Variants in STIMATE observed in about 807,000 individuals in gnomAD.
STIMATE encodes store-operated calcium entry regulator STIMATE.
A neutral mutation model predicts 36.7 loss-of-function variants in STIMATE; 15 were observed. The observed-to-expected ratio is 0.41, with a 90% CI of 0.27 to 0.63. The LOEUF is 0.63. STIMATE is among the 20% of genes least tolerant of loss of function. The pLI is 0.32. For synonymous variants in STIMATE, 163 were observed against 162.3 expected, an observed-to-expected ratio of 1.00 and a Z score of -0.03; for missense variants, 305 against 397.3, an observed-to-expected ratio of 0.77 and a Z score of 1.98.
chr3:52,844,380 G>C (rs1006164553), intron 5 of STIMATE, among the ~76,000 whole-genome samples: 1 of 152,260 alleles, frequency 6.6e-6, no homozygotes, highest in Non-Finnish European at 1.5e-5. Context: ...ACTGGGGTCA[G>C]AGGGCGGAAG....
chr3:52,847,977 G>A (rs1216927627), intron 4 of STIMATE: 2 of 165,942 alleles, frequency 1.2e-5, no homozygotes, highest in East Asian at 1.8e-4. Flanking sequence ...TGGAAAGGGC[G>A]AGAAAACAAT....
intron 1 of STIMATE, among the ~76,000 whole-genome samples, chr3:52,888,003 T>TTG (rs1559499731): frequency 6.5e-5 from 9 of 137,424 alleles, no homozygotes; most frequent in Non-Finnish European, 1.4e-4. Flanking sequence ...AGTTTTTTTT[T>TTG]TTTTTTTTTT....
chr3:52,878,603 C>G (rs1281264133), intron 1 of STIMATE, among the ~76,000 whole-genome samples: 1 of 152,196 alleles, frequency 6.6e-6, no homozygotes, highest in African/African-American at 2.4e-5. Flanking sequence ...GTTCCCTGGT[C>G]CCTTTGGATG....
chr3:52,852,543 C>T (rs550157613), intron 3 of STIMATE, 60 bp downstream of exon 3: 816 of 1,603,092 alleles, frequency 5.1e-4, no homozygotes, highest in Middle Eastern at 1.3e-3. Context: ...GAAAGCAAGG[C>T]CAGCCTATAT....
chr3:52,844,935 G>A lies in STIMATE; in HGVS notation c.434C>T (p.Pro145Leu). The change falls in exon 5 of 8, where the codon CCT (proline) becomes CTT (leucine). Residue 145 changes from proline (P) to leucine (L), a missense_variant. Physicochemically the swap from Pro to Leu is moderately conservative, Grantham distance 98 (BLOSUM62 -3). This residue lies in a region of STIMATE where 164 missense variants were observed against 257.9 expected (regional missense o/e 0.64). Transcript: ENST00000355083. ...ESLRFGEYGD[P>L]LQCGAWVGQC... ...CCCGACCCAGGCTCCACACTGCAGA[G>A]GGTCTCCTGCAGGGACAGGCGGGTG... is the stretch of plus-strand genomic sequence containing the variant. 1 of 1,613,712 alleles carries A rather than the reference G, an allele frequency of 6.2e-7. No individual in the cohort carries two copies. The highest frequency in any genetic ancestry group is 1.1e-5 in the South Asian group (1 of 91,078).
At chr3:52,884,636 T>C (rs763437690) in intron 1 of STIMATE, among the ~76,000 whole-genome samples, 1 of 152,236 alleles carries the variant, frequency 6.6e-6, no homozygotes, top group Non-Finnish European at 1.5e-5. Flanking sequence ...TTCCCTTTTC[T>C]AGAATTTCAT....
intron 1 of STIMATE, among the ~76,000 whole-genome samples, chr3:52,874,078 C>T (rs1701457066): frequency 6.6e-6 from 1 of 152,158 alleles, no homozygotes; most frequent in Non-Finnish European, 1.5e-5. Context: ...ATAGTTACAC[C>T]TCCACAAATG....
At position 52,841,939 on chromosome 3, in the gene STIMATE, T is replaced by C. The variant is rs527696099; in HGVS notation, c.768+872A>G. Among the ~76,000 whole-genome samples the C allele has an allele frequency of 5.3e-5, 8 of 152,320 alleles. No homozygotes were observed. In the East Asian group the frequency reaches 1.5e-3, roughly 29 times the overall value. On this transcript the variant is annotated intron_variant, in intron 7 of 7. Coordinates refer to ENST00000355083, the MANE Select transcript of STIMATE (RefSeq NM_198563.5). ...CTCATATGACAGGTGCTGGCCAGAT[T>C]CTAGAGACAAGCACCTAGAGAAGAC... is the stretch of plus-strand genomic sequence containing the variant.
intron 1 of STIMATE, among the ~76,000 whole-genome samples, chr3:52,894,441 GA>G (rs1701832371): frequency 6.6e-6 from 1 of 152,180 alleles, no homozygotes; most frequent in African/African-American, 2.4e-5. Flanking sequence ...AGTAAGGCAA[GA>G]AGTCTATCAA....
At position 52,842,728 on chromosome 3, in the gene STIMATE, A is replaced by G; in HGVS notation, c.768+83T>C. ...ACTGTGACTCTGCACTCAAGGGAAG[A>G]ACATACACAGACATGAGACCAGAGA... is the stretch of plus-strand genomic sequence containing the variant. On this transcript the variant is annotated intron_variant, in intron 7 of 7. Coordinates refer to ENST00000355083, the MANE Select transcript of STIMATE (RefSeq NM_198563.5). The G allele has an allele frequency of 2.5e-6, 4 of 1,592,452 alleles. No homozygotes were observed. In the South Asian group the frequency reaches 4.5e-5, roughly 18 times the overall value.
intron 7 of STIMATE, among the ~76,000 whole-genome samples, 188 bp downstream of exon 7, chr3:52,842,623 G>A (rs12638195): frequency 0.29 from 43,382 of 152,194 alleles, 6,918 homozygotes; most frequent in Middle Eastern, 0.41. Context: ...AAGGGACAGT[G>A]GGAATGGGTC....
chr3:52,887,999 T>TGG (rs202166636), intron 1 of STIMATE, among the ~76,000 whole-genome samples: 2 of 130,124 alleles, frequency 1.5e-5, no homozygotes, highest in South Asian at 2.7e-4. Flanking sequence ...AATCAGTTTT[T>TGG]TTTTTTTTTT....
intron 1 of STIMATE, among the ~76,000 whole-genome samples, chr3:52,862,684 C>T (rs1272021946): frequency 6.6e-6 from 1 of 152,094 alleles, no homozygotes; most frequent in Non-Finnish European, 1.5e-5. Context: ...ATCTAGTTGG[C>T]AATGATAATG....
At chr3:52,844,599 T>G (rs545453566) in intron 5 of STIMATE, among the ~76,000 whole-genome samples, 7 of 152,374 alleles carry the variant, frequency 4.6e-5, no homozygotes, top group African/African-American at 1.7e-4. Flanking sequence ...GGACTGTATT[T>G]CATTAGTTTT....
chr3:52,864,227 A>G (rs1575336605), intron 1 of STIMATE, among the ~76,000 whole-genome samples: 1 of 152,142 alleles, frequency 6.6e-6, no homozygotes, highest in African/African-American at 2.4e-5. Context: ...ATTTCCATAC[A>G]TGTTCTGAAA....
chr3:52,883,749 G>GT (rs1295552951), intron 1 of STIMATE, among the ~76,000 whole-genome samples: 1 of 152,100 alleles, frequency 6.6e-6, no homozygotes, highest in Non-Finnish European at 1.5e-5. Context: ...TTCAGAAATT[G>GT]TATTTTCAGT....
At chr3:52,896,057 A>G (rs1051267629) in intron 1 of STIMATE, 5 of 686,324 alleles carry the variant, frequency 7.3e-6, no homozygotes, top group Non-Finnish European at 1.1e-5. Context: ...GGGCACTTAT[A>G]AGACTTATCA....
intron 1 of STIMATE, among the ~76,000 whole-genome samples, chr3:52,863,282 G>C (rs1701248203): frequency 6.6e-6 from 1 of 152,202 alleles, no homozygotes. Context: ...GGAGGCCTCA[G>C]AATCATGGCG....
rs117066303 is a variant in STIMATE at position 52,850,956 on chromosome 3, C to T, written c.306-1043G>A. On this transcript the variant is annotated intron_variant, in intron 3 of 7. Coordinates refer to ENST00000355083, the MANE Select transcript of STIMATE (RefSeq NM_198563.5). ...GTTGGCCAGGCTGATCTTGAACTCC[C>T]GGCCTCAAGGGATATGCCCACCCTG... 7.4e-3 allele frequency among the ~76,000 whole-genome samples: 1,124 copies of T among 152,186 alleles called. 119 individuals carry two copies. The South Asian group carries it at 0.21, about 28-fold the overall frequency.
Sources: allele counts gnomAD v4.1 joint callset (sites outside exome capture counted in the v4.1 genomes callset), GRCh38; gene constraint gnomAD v4.1.1; regional missense constraint gnomAD v4.1.1; transcripts MANE v1.5; gene names NCBI Gene and HGNC (gene_info 2026-07-23, HGNC 2026-07-21).